PARD3: variants seen among roughly 807,000 people sequenced by gnomAD.
The protein encoded by PARD3 is par-3 family cell polarity regulator.
PARD3 carries 75 observed loss-of-function variants against 155.4 expected under a neutral mutation model. That is an observed-to-expected ratio of 0.48 (90% CI 0.40 to 0.58). PARD3 has a LOEUF of 0.58. Among genes scored for constraint, PARD3 ranks in the 20% least tolerant of loss-of-function variants. The pLI is 0.00. For missense variants in PARD3, 1,642 were observed against 1,721.7 expected, an observed-to-expected ratio of 0.95 and a Z score of 0.82; for synonymous variants, 576 against 610.5, an observed-to-expected ratio of 0.94 and a Z score of 0.83.
intron 1 of PARD3, among the ~76,000 whole-genome samples, chr10:34,711,058 C>T (rs1177953149): frequency 6.6e-6 from 1 of 152,094 alleles, no homozygotes; most frequent in African/African-American, 2.4e-5. Context: ...CACCTGTAGT[C>T]CCAGGTATTC....
chr10:34,787,136 C>T (rs1051492865), intron 1 of PARD3, among the ~76,000 whole-genome samples: 4 of 152,102 alleles, frequency 2.6e-5, no homozygotes, highest in African/African-American at 9.7e-5. Flanking sequence ...AATCCCAGCA[C>T]TTTGGGAGGC....
chr10:34,126,302 T>C (rs1274729648), intron 23 of PARD3, among the ~76,000 whole-genome samples: 1 of 152,224 alleles, frequency 6.6e-6, no homozygotes. Flanking sequence ...CTAGAGCTTA[T>C]AGAGAACATT....
At chr10:34,189,561 G>A (rs1950617933) in intron 22 of PARD3, among the ~76,000 whole-genome samples, 1 of 152,188 alleles carries the variant, frequency 6.6e-6, no homozygotes, top group Non-Finnish European at 1.5e-5. Context: ...TGCCCTGGAT[G>A]AGGCAGTAAG....
intron 5 of PARD3, among the ~76,000 whole-genome samples, chr10:34,449,704 C>A (rs2076956681): frequency 6.6e-6 from 1 of 152,042 alleles, no homozygotes; most frequent in African/African-American, 2.4e-5. Context: ...AATAGTCATT[C>A]TTCCCAAGGC....
At chr10:34,344,376 G>C (rs918469216) in intron 15 of PARD3, 1 of 748,794 alleles carries the variant, frequency 1.3e-6, no homozygotes, top group African/African-American at 1.9e-5. Flanking sequence ...TCTGCCTCCT[G>C]GGTTTAAGCA....
intron 2 of PARD3, among the ~76,000 whole-genome samples, chr10:34,586,171 G>C (rs544731988): frequency 6.6e-6 from 1 of 152,118 alleles, no homozygotes; most frequent in East Asian, 1.9e-4. Flanking sequence ...TGAAAATAAA[G>C]ATACGGGTGG....
At chr10:34,236,578 G>C (rs1036416043) in intron 22 of PARD3, among the ~76,000 whole-genome samples, 2 of 152,064 alleles carry the variant, frequency 1.3e-5, no homozygotes, top group Non-Finnish European at 2.9e-5. Flanking sequence ...TTCCTGTTTG[G>C]TATTATGGAA....
At chr10:34,306,701 G>GA (rs1957427895) in intron 20 of PARD3, among the ~76,000 whole-genome samples, 1 of 152,186 alleles carries the variant, frequency 6.6e-6, no homozygotes, top group African/African-American at 2.4e-5. Context: ...CATGGAGCAT[G>GA]AAAGGCTGCT....
chr10:34,369,688 C>T (rs780431379), intron 12 of PARD3, among the ~76,000 whole-genome samples: 10 of 152,144 alleles, frequency 6.6e-5, no homozygotes, highest in Non-Finnish European at 1.2e-4. Flanking sequence ...ACTGTATGCA[C>T]AGTTACCATT....
chr10:34,219,935 G>C (rs1473207765), intron 22 of PARD3, among the ~76,000 whole-genome samples: 2 of 152,196 alleles, frequency 1.3e-5, no homozygotes, highest in Non-Finnish European at 2.9e-5. Context: ...TGGAGCAGCT[G>C]CTGTCATTTC....
intron 5 of PARD3, among the ~76,000 whole-genome samples, chr10:34,426,289 G>A (rs553531244): frequency 1.3e-5 from 2 of 152,164 alleles, no homozygotes; most frequent in East Asian, 3.9e-4. Flanking sequence ...CACAAACCTT[G>A]GTACATGGTG....
Position 34,376,230 on chromosome 10 carries a change from G to C in PARD3, c.1540-1228C>G, listed in dbSNP as rs550299417. Reference sequence around the variant, plus strand: ...AATGAAGTTTCCATTTTAAGACAAAGATGACAGCTATGGAAATAAAGCCTA... The same window carrying C: ...AATGAAGTTTCCATTTTAAGACAAACATGACAGCTATGGAAATAAAGCCTA... On this transcript the variant is annotated intron_variant, in intron 10 of 24. Coordinates refer to ENST00000374788, the MANE Select transcript of PARD3 (RefSeq NM_001184785.2). 1.1e-3 allele frequency among the ~76,000 whole-genome samples: 168 copies of C among 152,302 alleles called. 1 individual carries two copies. Among genetic ancestry groups the C allele is most frequent in the African/African-American group, 3.8e-3 (157 of 41,564 alleles).
chr10:34,406,673 T>C (rs765077682), intron 5 of PARD3, among the ~76,000 whole-genome samples: 6 of 152,080 alleles, frequency 3.9e-5, no homozygotes, highest in Non-Finnish European at 8.8e-5. Context: ...AACTACAAGT[T>C]TGCACCTCCT....
At chr10:34,409,914 T>TA in intron 5 of PARD3, among the ~76,000 whole-genome samples, 1 of 152,146 alleles carries the variant, frequency 6.6e-6, no homozygotes, top group Non-Finnish European at 1.5e-5. Flanking sequence ...AGCACAGTAA[T>TA]AAAAAACACG....
At chr10:34,766,186 C>A (rs929756105) in intron 1 of PARD3, among the ~76,000 whole-genome samples, 1 of 152,134 alleles carries the variant, frequency 6.6e-6, no homozygotes, top group African/African-American at 2.4e-5. Context: ...ATGGATTAAC[C>A]AATACTAAAT....
chr10:34,445,715 T>A (rs2076702306), intron 5 of PARD3, among the ~76,000 whole-genome samples: 1 of 152,096 alleles, frequency 6.6e-6, no homozygotes, highest in African/African-American at 2.4e-5. Flanking sequence ...TATATCTTTA[T>A]GATATAATTA....
chr10:34,698,873 A>C (rs2094222503), intron 1 of PARD3, among the ~76,000 whole-genome samples: 1 of 152,208 alleles, frequency 6.6e-6, no homozygotes, highest in Non-Finnish European at 1.5e-5. Context: ...GATGATCTTC[A>C]CAGCAAATTT....
intron 1 of PARD3, among the ~76,000 whole-genome samples, chr10:34,745,663 G>C (rs35065077): frequency 0.031 from 4,685 of 152,146 alleles, 234 homozygotes; most frequent in African/African-American, 0.11. Flanking sequence ...ATTGTAGCTG[G>C]GCACAGTGGC....
At chr10:34,399,922 C>A (rs1192172593) in intron 6 of PARD3, among the ~76,000 whole-genome samples, 1 of 152,176 alleles carries the variant, frequency 6.6e-6, no homozygotes, top group South Asian at 2.1e-4. Flanking sequence ...TATGTCACAT[C>A]ATTAATCCTT....
Sources: allele counts gnomAD v4.1 joint callset (sites outside exome capture counted in the v4.1 genomes callset), GRCh38; gene constraint gnomAD v4.1.1; transcripts MANE v1.5; gene names NCBI Gene and HGNC (gene_info 2026-07-23, HGNC 2026-07-21).